C1orf232: variants seen among roughly 807,000 people sequenced by gnomAD.
C1orf232 encodes uncharacterized protein C1orf232.
C1orf232 carries 10 observed loss-of-function variants against 12.1 expected under a neutral mutation model. The observed-to-expected ratio is 0.82, with a 90% CI of 0.51 to 1.40. C1orf232 has a LOEUF of 1.40. C1orf232 is among the 40% of genes most tolerant of loss of function. The probability of loss-of-function intolerance (pLI) is 0.00; values close to 1 mark genes in which losing one functional copy is unlikely to be tolerated. For missense variants in C1orf232, 88 were observed against 98.4 expected (o/e 0.89, Z 0.45); for synonymous variants, 36 against 39.8 (o/e 0.90, Z 0.36).
Position 26,164,305 on chromosome 1 carries a change from G to T in C1orf232, c.417C>A (p.Asp139Glu). ...LRGTEPTPEP[D>E]PEPADEAAEE... is the part of the protein sequence containing the mutation. ...CCGCGGCCTCGTCCGCGGGTTCGGG[G>T]TCCGGCTCCGGAGTGGGCTCGGTGC... Residue 139 changes from aspartate (D) to glutamate (E), a missense_variant, in exon 4 of 4, where the codon GAC (aspartate) becomes GAA (glutamate). Transcript: ENST00000634842. This position sits in a 1 kb window ranked among gnomAD's most constrained non-coding sequence, Gnocchi z 4.2. 2.5e-6 allele frequency: 1 copy of T among 397,850 alleles called. No individual in the cohort carries two copies. Among genetic ancestry groups the T allele is most frequent in the Non-Finnish European group, 4.4e-6 (1 of 225,524 alleles). The allele number at this position is 397,850 out of a possible 1,614,324, so 24.6% of individuals were successfully genotyped here. A position where few individuals can be genotyped will look rare whatever the true frequency, so the allele number is the denominator to read the frequency against.
intron 1 of C1orf232, among the ~76,000 whole-genome samples, chr1:26,167,210 A>C (rs180831416): frequency 6.6e-6 from 1 of 152,204 alleles, no homozygotes; most frequent in Non-Finnish European, 1.5e-5. Context: ...TGGTTTCAGA[A>C]ACTTTGCTGT....
In C1orf232 at chr1:26,168,431, T is replaced by C. The variant is rs1403560768; in HGVS notation, c.69A>G (p.Glu23=). 4 of 1,231,868 alleles carry C rather than the reference T, an allele frequency of 3.2e-6. No individual in the cohort carries two copies. In the South Asian group the frequency reaches 1.6e-4, roughly 51 times the overall value. 76.3% of individuals were successfully genotyped at this position (1,231,868 alleles called of 1,614,324 possible). The change falls in exon 1 of 4, where the codon GAA becomes GAG. Residue 23 remains glutamate, a synonymous_variant. Coordinates refer to ENST00000634842, the MANE Select transcript of C1orf232 (RefSeq NM_001364669.2). Reference sequence around the variant, plus strand: ...TGGCACCCACCTCCTCTGCCAGGTCTTCTTCAGATTCCCCACTCAGGGTCT... The same window carrying C: ...TGGCACCCACCTCCTCTGCCAGGTCCTCTTCAGATTCCCCACTCAGGGTCT... ...VLQTLSGESE[E]DLAEERENPA...
At chr1:26,165,953 G>C in intron 2 of C1orf232, 30 bp from the exon 3 acceptor site, 1 of 1,231,304 alleles carries the variant, frequency 8.1e-7, no homozygotes, top group Non-Finnish European at 1.0e-6. Context: ...TCAGGGAGGG[G>C]GTCCAGCACA....
intron 3 of C1orf232, among the ~76,000 whole-genome samples, chr1:26,165,396 C>T (rs1008394206): frequency 1.3e-5 from 2 of 152,146 alleles, no homozygotes; most frequent in Admixed American, 6.5e-5. Context: ...CAAGACTCTG[C>T]CACACCAGCG....
In C1orf232 at chr1:26,166,028, T is replaced by G. The variant is rs1365103759; in HGVS notation, c.168+7A>C. The G allele has an allele frequency of 1.6e-6, 2 of 1,231,566 alleles. No homozygotes were observed. The highest frequency in any genetic ancestry group is 6.3e-5 in the East Asian group (2 of 31,688). The allele number at this position is 1,231,566 out of a possible 1,614,324, so 76.3% of individuals were successfully genotyped here. A position where few individuals can be genotyped will look rare whatever the true frequency, so the allele number is the denominator to read the frequency against. On this transcript the variant is annotated splice_region_variant and intron_variant, in intron 2 of 3. Coordinates refer to ENST00000634842, the MANE Select transcript of C1orf232 (RefSeq NM_001364669.2). ...AGGGTTGGGGTGGAAGAAGGGAGAA[T>G]ACTCACCCGGCGGGCCAGCTGTGAC...
At chr1:26,168,113 C>T (rs1302861583) in intron 1 of C1orf232, among the ~76,000 whole-genome samples, 1 of 152,164 alleles carries the variant, frequency 6.6e-6, no homozygotes, top group Admixed American at 6.5e-5. Flanking sequence ...AAAGTTGTGT[C>T]CAGCTAAGTG....
chr1:26,164,647 G>A lies in C1orf232; in HGVS notation c.267-192C>T, dbSNP rs564011033. 1.3e-5 allele frequency among the ~76,000 whole-genome samples: 2 copies of A among 152,156 alleles called. No individual in the cohort carries two copies. The highest frequency in any genetic ancestry group is 4.2e-4 in the South Asian group (2 of 4,814). ...GTCAGGGCCTGGAGGCAAGGGGAGG[G>A]CTCAGAGGCCCTGGGAAAGGGGTCT... On this transcript the variant is annotated intron_variant, in intron 3 of 3. Coordinates refer to ENST00000634842, the MANE Select transcript of C1orf232 (RefSeq NM_001364669.2). This position sits in a 1 kb window ranked among gnomAD's most constrained non-coding sequence, Gnocchi z 4.2.
At chr1:26,165,637 T>G in intron 3 of C1orf232, 189 bp downstream of exon 3, 12 of 1,055,106 alleles carry the variant, frequency 1.1e-5, no homozygotes, top group Non-Finnish European at 1.4e-5. Context: ...CGATTCCTCC[T>G]GAGATTTACC....
chr1:26,168,731 G>T lies in C1orf232; in HGVS notation c.-232C>A, dbSNP rs1323838317. On this transcript the variant is annotated 5_prime_UTR_variant, in exon 1 of 4. Transcript: ENST00000634842. ...CAAGCTTCTGCCACCTTAGCCCCTT[G>T]TCTTGACCCATATTGGCCAAGAATA... 5.2e-6 allele frequency: 2 copies of T among 388,146 alleles called. No individual in the cohort carries two copies. Among genetic ancestry groups the T allele is most frequent in the Non-Finnish European group, 9.1e-6 (2 of 220,142 alleles). The allele number at this position is 388,146 out of a possible 1,614,324, so 24.0% of individuals were successfully genotyped here. A position where few individuals can be genotyped will look rare whatever the true frequency, so the allele number is the denominator to read the frequency against.
chr1:26,168,698 G>A lies in C1orf232; in HGVS notation c.-199C>T. 2.5e-6 allele frequency: 1 copy of A among 394,994 alleles called. No homozygotes were observed. Among genetic ancestry groups the A allele is most frequent in the Non-Finnish European group, 4.4e-6 (1 of 225,134 alleles). 24.5% of individuals were successfully genotyped at this position (394,994 alleles called of 1,614,324 possible). On this transcript the variant is annotated 5_prime_UTR_variant, in exon 1 of 4. Coordinates refer to ENST00000634842, the MANE Select transcript of C1orf232 (RefSeq NM_001364669.2). ...TGATCCAAAGGAGTCGGGGAGTGGG[G>A]GATGGAACAAGCTTCTGCCACCTTA...
chr1:26,167,914 G>A (rs758351555), intron 1 of C1orf232, among the ~76,000 whole-genome samples: 5 of 152,178 alleles, frequency 3.3e-5, no homozygotes, highest in African/African-American at 4.8e-5. Flanking sequence ...ATGAGCCACC[G>A]TGCCCGGCCC....
At position 26,168,938 on chromosome 1, in the gene C1orf232, G is replaced by A. The variant is rs973395246; in HGVS notation, c.-439C>T. ...TGTGTCCTCAGCAGGGCTCCACCCT[G>A]TGTCCCTACTTAGCCTCAATGAACT... On this transcript the variant is annotated 5_prime_UTR_variant, in exon 1 of 4. Transcript: ENST00000634842. 3.9e-5 allele frequency among the ~76,000 whole-genome samples: 6 copies of A among 152,178 alleles called. No individual in the cohort carries two copies. The highest frequency in any genetic ancestry group is 1.4e-4 in the African/African-American group (6 of 41,452).
At position 26,164,433 on chromosome 1, in the gene C1orf232, A is replaced by T. The variant is rs1235635032; in HGVS notation, c.289T>A (p.Ser97Thr). The T allele has an allele frequency of 1.3e-5, 5 of 378,858 alleles. No homozygotes were observed. The highest frequency in any genetic ancestry group is 1.0e-4 in the African/African-American group (5 of 47,650). 23.5% of individuals were successfully genotyped at this position (378,858 alleles called of 1,614,324 possible). A position where few individuals can be genotyped will look rare whatever the true frequency, so the allele number is the denominator to read the frequency against. ...GCCTCCGCCGCCGCCGCCGCCTGCGAGGGGGGTCGCGCCGCCAGAGGGCTG... is the reference window on the plus strand; with the variant it reads ...GCCTCCGCCGCCGCCGCCGCCTGCGTGGGGGGTCGCGCCGCCAGAGGGCTG... ...ADHPLAARPP[S>T]QAAAAAEARG... The change falls in exon 4 of 4, where the codon TCG becomes ACG. Residue 97 changes from serine (S) to threonine (T), a missense_variant. Coordinates refer to ENST00000634842, the MANE Select transcript of C1orf232 (RefSeq NM_001364669.2). The surrounding 1 kb of genome is among the most constrained non-coding windows in gnomAD (Gnocchi z 4.2).
intron 3 of C1orf232, 112 bp downstream of exon 3, chr1:26,165,714 C>T (rs764904241): frequency 4.1e-6 from 5 of 1,231,110 alleles, no homozygotes; most frequent in Non-Finnish European, 5.1e-6. Flanking sequence ...CCTGGGACTG[C>T]CCCTCCCCAG....
intron 1 of C1orf232, among the ~76,000 whole-genome samples, chr1:26,167,270 G>A (rs1000805880): frequency 2.0e-5 from 3 of 152,206 alleles, no homozygotes; most frequent in Non-Finnish European, 4.4e-5. Context: ...TAGTGCAGTG[G>A]AGCCTCGACC....
intron 1 of C1orf232, among the ~76,000 whole-genome samples, chr1:26,166,735 C>G (rs773240571): frequency 4.3e-4 from 66 of 152,184 alleles, no homozygotes; most frequent in Non-Finnish European, 8.8e-5. Flanking sequence ...AGCATGCCCC[C>G]ACATGGCTAC....
intron 3 of C1orf232, among the ~76,000 whole-genome samples, chr1:26,165,544 AT>A (rs972295927): frequency 6.6e-6 from 1 of 152,106 alleles, no homozygotes; most frequent in Non-Finnish European, 1.5e-5. Context: ...GCGTTCTTGG[AT>A]TTTAGAGAGA....
At chr1:26,165,452 G>A (rs1259280510) in intron 3 of C1orf232, among the ~76,000 whole-genome samples, 1 of 152,158 alleles carries the variant, frequency 6.6e-6, no homozygotes, top group Non-Finnish European at 1.5e-5. Context: ...TTTGTGACAC[G>A]CTTCCTTGGA....
At chr1:26,165,778 G>C (rs2088418825) in intron 3 of C1orf232, 48 bp downstream of exon 3, 1 of 1,231,796 alleles carries the variant, frequency 8.1e-7, no homozygotes, top group Non-Finnish European at 1.0e-6. Flanking sequence ...AGGCAGAAGG[G>C]GGACCTCAGG....
Sources: allele counts gnomAD v4.1 joint callset (sites outside exome capture counted in the v4.1 genomes callset), GRCh38; gene constraint gnomAD v4.1.1; non-coding constraint Gnocchi (gnomAD v3.1); transcripts MANE v1.5; gene names NCBI Gene and HGNC (gene_info 2026-07-23, HGNC 2026-07-21).